LRMDA: variants seen among roughly 807,000 people sequenced by gnomAD.
The protein encoded by LRMDA is leucine rich melanocyte differentiation associated, also known as leucine-rich melanocyte differentiation-associated protein.
In LRMDA, 18 loss-of-function variants were observed where a neutral mutation model predicts 29.8. That is an observed-to-expected ratio of 0.60 (90% CI 0.42 to 0.90). The LOEUF (loss-of-function observed/expected upper bound fraction) is 0.90, where lower values mean the gene tolerates loss of function less well. Ranked by LOEUF, LRMDA falls within the 40% of genes least tolerant of loss-of-function variation. The pLI is 0.00. For missense variants in LRMDA, 273 were observed against 273.9 expected (o/e 1.00, Z 0.02); for synonymous variants, 125 against 109.4 (o/e 1.14, Z -0.89).
At chr10:75,457,577 G>A (rs765994888) in intron 2 of LRMDA, among the ~76,000 whole-genome samples, 50 of 152,170 alleles carry the variant, frequency 3.3e-4, no homozygotes, top group Non-Finnish European at 4.7e-4. Flanking sequence ...TTCAGGAGGA[G>A]ATAAAACTGT....
chr10:75,506,873 T>C (rs1845174140), intron 2 of LRMDA, among the ~76,000 whole-genome samples: 1 of 152,168 alleles, frequency 6.6e-6, no homozygotes, highest in African/African-American at 2.4e-5. Context: ...TGAAAGTGCT[T>C]TGGAAACCTG....
chr10:76,342,390 AG>A, intron 6 of LRMDA, among the ~76,000 whole-genome samples: 1 of 152,270 alleles, frequency 6.6e-6, no homozygotes, highest in Non-Finnish European at 1.5e-5. Context: ...TAATTATTAG[AG>A]GAAAATAGAT....
intron 2 of LRMDA, among the ~76,000 whole-genome samples, chr10:75,586,293 C>A (rs1169589270): frequency 6.6e-6 from 1 of 150,644 alleles, no homozygotes; most frequent in Non-Finnish European, 1.5e-5. Flanking sequence ...GTTTTGCATG[C>A]CCACTAACAC....
chr10:75,518,933 A>C (rs779449237), intron 2 of LRMDA, among the ~76,000 whole-genome samples: 6 of 152,062 alleles, frequency 3.9e-5, no homozygotes, highest in Non-Finnish European at 8.8e-5. Flanking sequence ...CAAATAACAT[A>C]TTTATTTCTG....
intron 4 of LRMDA, among the ~76,000 whole-genome samples, chr10:76,054,605 A>G (rs1231778025): frequency 1.3e-5 from 2 of 151,648 alleles, no homozygotes. Flanking sequence ...TCACCTGAAT[A>G]TTCATCTTTT....
chr10:75,580,858 C>G (rs1426045899), intron 2 of LRMDA, among the ~76,000 whole-genome samples: 1 of 152,188 alleles, frequency 6.6e-6, no homozygotes, highest in Non-Finnish European at 1.5e-5. Flanking sequence ...GGAAAACTGG[C>G]TAGCCATATG....
At chr10:75,937,472 A>C (rs1166298749) in intron 2 of LRMDA, among the ~76,000 whole-genome samples, 1 of 152,148 alleles carries the variant, frequency 6.6e-6, no homozygotes, top group Non-Finnish European at 1.5e-5. Context: ...GGCTGTTTTC[A>C]TTTGAATTGT....
intron 2 of LRMDA, among the ~76,000 whole-genome samples, chr10:75,570,337 G>C (rs917808411): frequency 7.2e-5 from 11 of 152,196 alleles, no homozygotes; most frequent in African/African-American, 2.7e-4. Flanking sequence ...TGACTTCCCT[G>C]CTAGGAGCTC....
intron 6 of LRMDA, among the ~76,000 whole-genome samples, chr10:76,442,162 A>C (rs1842310400): frequency 6.6e-6 from 1 of 152,184 alleles, no homozygotes; most frequent in Non-Finnish European, 1.5e-5. Context: ...CACAGGGTAA[A>C]TACGTGATTA....
At chr10:76,484,975 G>A (rs556931805) in intron 6 of LRMDA, among the ~76,000 whole-genome samples, 54 of 151,448 alleles carry the variant, frequency 3.6e-4, no homozygotes, top group African/African-American at 1.1e-3. Context: ...GCTTTCTTTC[G>A]TTAGTATTAG....
chr10:75,993,862 C>T (rs578063778), intron 2 of LRMDA, among the ~76,000 whole-genome samples: 196 of 152,282 alleles, frequency 1.3e-3, no homozygotes, highest in Non-Finnish European at 2.3e-3. Context: ...GAACACTTCC[C>T]TTTCCCTGTC....
intron 2 of LRMDA, among the ~76,000 whole-genome samples, chr10:75,652,013 A>T (rs2132127373): frequency 6.6e-6 from 1 of 152,358 alleles, no homozygotes; most frequent in Non-Finnish European, 1.5e-5. Context: ...TTTCCAGGCC[A>T]TGAATTTAAT....
At chr10:75,941,417 T>C (rs1367682785) in intron 2 of LRMDA, among the ~76,000 whole-genome samples, 2 of 152,200 alleles carry the variant, frequency 1.3e-5, no homozygotes, top group Non-Finnish European at 2.9e-5. Context: ...ACACTCAGCA[T>C]AAGGAGGGGT....
At chr10:75,908,878 C>A (rs1845800119) in intron 2 of LRMDA, among the ~76,000 whole-genome samples, 1 of 152,120 alleles carries the variant, frequency 6.6e-6, no homozygotes, top group South Asian at 2.1e-4. Context: ...GTGTGGAAAG[C>A]CATGTACTGA....
chr10:76,236,321 C>G (rs564365215), intron 5 of LRMDA, among the ~76,000 whole-genome samples: 1 of 152,260 alleles, frequency 6.6e-6, no homozygotes, highest in Admixed American at 6.5e-5. Context: ...CCCCATTGTT[C>G]CTATAGACAG....
chr10:76,147,647 A>G (rs3998127), intron 5 of LRMDA, among the ~76,000 whole-genome samples: 102,510 of 151,330 alleles, frequency 0.68, 35,161 homozygotes, highest in East Asian at 0.85. Flanking sequence ...CCTGTAGCTC[A>G]GAGTAGTTTG....
chr10:75,431,675 C>T lies in LRMDA; in HGVS notation c.-50C>T, dbSNP rs1322633143. 5 of 1,258,420 alleles carry T rather than the reference C, an allele frequency of 4.0e-6. No individual in the cohort carries two copies. The highest frequency in any genetic ancestry group is 4.3e-5 in the Admixed American group (1 of 23,380). The allele number at this position is 1,258,420 out of a possible 1,614,324, so 78.0% of individuals were successfully genotyped here. A position where few individuals can be genotyped will look rare whatever the true frequency, so the allele number is the denominator to read the frequency against. On this transcript the variant is annotated 5_prime_UTR_variant, in exon 1 of 7. Coordinates refer to ENST00000611255, the MANE Select transcript of LRMDA (RefSeq NM_001305581.2). Reference sequence around the variant, plus strand: ...TCCCCTGCCGCGCTCCCCGCTGCTGCCGCCGCGCCCCCGCGCTCCGTCCCG... The same window carrying T: ...TCCCCTGCCGCGCTCCCCGCTGCTGTCGCCGCGCCCCCGCGCTCCGTCCCG...
intron 2 of LRMDA, among the ~76,000 whole-genome samples, chr10:75,489,405 G>A (rs1001018875): frequency 6.6e-6 from 1 of 152,174 alleles, no homozygotes; most frequent in East Asian, 1.9e-4. Flanking sequence ...ATTGGGCCAA[G>A]CCCAGATTTT....
chr10:76,147,184 A>C (rs1259994528), intron 5 of LRMDA, among the ~76,000 whole-genome samples: 2 of 152,022 alleles, frequency 1.3e-5, no homozygotes, highest in African/African-American at 2.4e-5. Flanking sequence ...CCTCTTGAGG[A>C]GTATCTTTGT....
Sources: gnomAD v4.1 joint callset for allele counts (sites outside exome capture counted in the v4.1 genomes callset) on GRCh38, gnomAD v4.1.1 for gene constraint, MANE v1.5 for transcripts, NCBI Gene and HGNC (gene_info 2026-07-23, HGNC 2026-07-21) for gene names.